GPBP1: variants seen among roughly 807,000 people sequenced by gnomAD.
The protein encoded by GPBP1 is GC-rich promoter binding protein 1, also known as vasculin.
A neutral mutation model predicts 56.5 loss-of-function variants in GPBP1; 13 were observed. That is an observed-to-expected ratio of 0.23 (90% CI 0.15 to 0.37). GPBP1 has a LOEUF of 0.37. Among genes scored for constraint, GPBP1 ranks in the 10% least tolerant of loss-of-function variants. GPBP1 has a pLI of 1.00. For synonymous variants in GPBP1, 204 were observed against 188.9 expected, an observed-to-expected ratio of 1.08 and a Z score of -0.66; for missense variants, 477 against 572.3, an observed-to-expected ratio of 0.83 and a Z score of 1.70.
chr5:57,237,100 C>T (rs1157959084), intron 6 of GPBP1: 1 of 1,534,656 alleles, frequency 6.5e-7, no homozygotes, highest in African/African-American at 1.4e-5. Context: ...AGTATTTCTA[C>T]CACTCTCCCC....
At chr5:57,217,600 A>C (rs1755753644) in intron 3 of GPBP1, among the ~76,000 whole-genome samples, 1 of 152,094 alleles carries the variant, frequency 6.6e-6, no homozygotes. Context: ...ACACAAAAAA[A>C]CACAACTACA....
intron 8 of GPBP1, among the ~76,000 whole-genome samples, chr5:57,248,521 G>A (rs1184121080): frequency 6.8e-6 from 1 of 147,790 alleles, no homozygotes; most frequent in African/African-American, 2.5e-5. Flanking sequence ...TCCGCCTCCC[G>A]GGTTCACGCC....
At chr5:57,219,822 G>A (rs1304555119) in intron 3 of GPBP1, among the ~76,000 whole-genome samples, 1 of 152,132 alleles carries the variant, frequency 6.6e-6, no homozygotes, top group Non-Finnish European at 1.5e-5. Flanking sequence ...GGAGGCCGAA[G>A]CAGGGGGATC....
intron 2 of GPBP1, among the ~76,000 whole-genome samples, chr5:57,177,600 A>G (rs1753841648): frequency 6.7e-6 from 1 of 148,816 alleles, no homozygotes. Context: ...CAGCCTCCCA[A>G]GTAGCTGGGA....
intron 10 of GPBP1, among the ~76,000 whole-genome samples, chr5:57,252,234 C>T (rs1342085089): frequency 1.3e-5 from 2 of 150,644 alleles, no homozygotes; most frequent in Non-Finnish European, 2.9e-5. Flanking sequence ...CAGGCTTGCA[C>T]CACCATGCAC....
In GPBP1 at chr5:57,176,674, G is replaced by A. The variant is rs569692490; in HGVS notation, c.-58+274G>A. ...AGTAAAAAGCTAAATTCGTATGGCCGGTATATATTGCCTTAGGCTTTGAAG... is the reference window on the plus strand; with the variant it reads ...AGTAAAAAGCTAAATTCGTATGGCCAGTATATATTGCCTTAGGCTTTGAAG... On this transcript the variant is annotated intron_variant, in intron 2 of 11. Coordinates refer to ENST00000506184, the MANE Select transcript of GPBP1 (RefSeq NM_022913.4). Among the ~76,000 whole-genome samples the A allele has an allele frequency of 2.0e-5, 3 of 152,220 alleles. No homozygotes were observed. In the South Asian group the frequency reaches 6.2e-4, roughly 32 times the overall value.
At chr5:57,177,648 CTTT>C (rs58708281) in intron 2 of GPBP1, among the ~76,000 whole-genome samples, 47 of 92,230 alleles carry the variant, frequency 5.1e-4, no homozygotes, top group African/African-American at 6.1e-4. Flanking sequence ...CAATTTTTGC[CTTT>C]TTTTTTTTTT....
intron 2 of GPBP1, among the ~76,000 whole-genome samples, chr5:57,210,999 TG>T (rs1755452275): frequency 6.6e-6 from 1 of 152,146 alleles, no homozygotes; most frequent in Non-Finnish European, 1.5e-5. Context: ...CAAATCTTGT[TG>T]GTTGGGGGGA....
At chr5:57,248,419 A>ATTTT (rs70999069) in intron 8 of GPBP1, among the ~76,000 whole-genome samples, 8 of 99,352 alleles carry the variant, frequency 8.1e-5, no homozygotes, top group South Asian at 7.7e-4. Flanking sequence ...CTCATATACT[A>ATTTT]TTTTTTTTTT....
rs139350836 is a variant in GPBP1 at position 57,256,665 on chromosome 5, G to A, written c.1161-4515G>A. Among the ~76,000 whole-genome samples the A allele has an allele frequency of 7.5e-3, 1,142 of 152,216 alleles. 8 individuals are homozygous for A. Among genetic ancestry groups the A allele is most frequent in the Non-Finnish European group, 0.011 (727 of 67,990 alleles). On this transcript the variant is annotated intron_variant, in intron 10 of 11. Coordinates refer to ENST00000506184, the MANE Select transcript of GPBP1 (RefSeq NM_022913.4). ...ATTCAAGATTTCAGATTTGGTAGCC[G>A]CTAGTTGGAATAGAGGGATAGTTTT...
chr5:57,193,316 CAA>C (rs912871697), intron 2 of GPBP1, among the ~76,000 whole-genome samples: 2 of 151,616 alleles, frequency 1.3e-5, no homozygotes, highest in African/African-American at 4.8e-5. Flanking sequence ...AACTCCATCT[CAA>C]AAAGAAACTG....
chr5:57,225,114 C>T (rs565752217), intron 3 of GPBP1, among the ~76,000 whole-genome samples: 1 of 152,156 alleles, frequency 6.6e-6, no homozygotes, highest in African/African-American at 2.4e-5. Flanking sequence ...ATAGCCAGCA[C>T]AGTAAAATAT....
chr5:57,180,132 T>C (rs955517202), intron 2 of GPBP1, among the ~76,000 whole-genome samples: 6 of 152,200 alleles, frequency 3.9e-5, no homozygotes, highest in Non-Finnish European at 7.3e-5. Flanking sequence ...AACTTTTTTT[T>C]CTGAGACGGA....
chr5:57,213,031 G>A (rs894581431), intron 2 of GPBP1, among the ~76,000 whole-genome samples: 1 of 151,624 alleles, frequency 6.6e-6, no homozygotes, highest in African/African-American at 2.4e-5. Flanking sequence ...CAATTTAGTT[G>A]TAAAGATTTG....
chr5:57,246,210 AAAT>A, intron 6 of GPBP1, 87 bp from the exon 7 acceptor site: 2 of 1,017,218 alleles, frequency 2.0e-6, no homozygotes, highest in Admixed American at 5.2e-5. Context: ...AAAAAAAAAA[AAAT>A]TTGGAATATA....
At chr5:57,182,828 C>T (rs759557278) in intron 2 of GPBP1, among the ~76,000 whole-genome samples, 5 of 152,120 alleles carry the variant, frequency 3.3e-5, no homozygotes, top group South Asian at 2.1e-4. Context: ...GGACTATAGG[C>T]GCATGTCACC....
Position 57,195,041 on chromosome 5 carries a change from T to C in GPBP1, c.-58+18641T>C, listed in dbSNP as rs557314185. Among the ~76,000 whole-genome samples the C allele has an allele frequency of 1.6e-4, 24 of 152,296 alleles. 1 individual carries two copies. The highest frequency in any genetic ancestry group is 5.1e-4 in the African/African-American group (21 of 41,558). ...CCAGCAGTGGGCTTGCTGGATCATA[T>C]GGCAGCTCTGATTTTAGGTTTTTAA... On this transcript the variant is annotated intron_variant, in intron 2 of 11. Coordinates refer to ENST00000506184, the MANE Select transcript of GPBP1 (RefSeq NM_022913.4).
At chr5:57,235,579 A>G (rs1756628482) in intron 5 of GPBP1, among the ~76,000 whole-genome samples, 1 of 152,228 alleles carries the variant, frequency 6.6e-6, no homozygotes. Context: ...AGCAATTAGT[A>G]TAGATAGTAA....
chr5:57,178,654 A>G (rs1753904725), intron 2 of GPBP1, among the ~76,000 whole-genome samples: 1 of 152,242 alleles, frequency 6.6e-6, no homozygotes, highest in East Asian at 1.9e-4. Context: ...TAATCTGTGA[A>G]TAGTCTATAA....
Sources: gnomAD v4.1 joint callset for allele counts (sites outside exome capture counted in the v4.1 genomes callset) on GRCh38, gnomAD v4.1.1 for gene constraint, MANE v1.5 for transcripts, NCBI Gene and HGNC (gene_info 2026-07-23, HGNC 2026-07-21) for gene names.